GPC6: variants seen among roughly 807,000 people sequenced by gnomAD.
The protein encoded by GPC6 is glypican-6.
GPC6 carries 14 observed loss-of-function variants against 55.2 expected under a neutral mutation model. That is an observed-to-expected ratio of 0.25 (90% CI 0.17 to 0.40). The LOEUF (loss-of-function observed/expected upper bound fraction) is 0.40. GPC6 is among the 10% of genes least tolerant of loss of function. GPC6 has a pLI of 1.00. For synonymous variants in GPC6, 278 were observed against 259.6 expected (o/e 1.07, Z -0.68); for missense variants, 641 against 708.5 (o/e 0.90, Z 1.08).
At chr13:93,422,235 C>T (rs530328352) in intron 1 of GPC6, among the ~76,000 whole-genome samples, 38 of 152,222 alleles carry the variant, frequency 2.5e-4, no homozygotes, top group African/African-American at 8.7e-4. Flanking sequence ...TAAGCAACAC[C>T]CTCGAAATAT....
chr13:94,134,793 T>A lies in GPC6; in HGVS notation c.877+106899T>A, dbSNP rs546697946. The stretch of plus-strand genomic sequence containing the variant: ...AGGACTTTCGGGTTTCTATTTAAGG[T>A]CACTCCTCCCATCCTTTTCACTAGA... On this transcript the variant is annotated intron_variant, in intron 4 of 8. Transcript: ENST00000377047. Among the ~76,000 whole-genome samples, 5 of 152,294 alleles carry A rather than the reference T, an allele frequency of 3.3e-5. No homozygotes were observed. The South Asian group carries it at 8.3e-4, about 25-fold the overall frequency.
chr13:93,581,102 C>T (rs1409543318), intron 2 of GPC6, among the ~76,000 whole-genome samples: 1 of 152,082 alleles, frequency 6.6e-6, no homozygotes, highest in East Asian at 1.9e-4. Context: ...TTCTAAAAGA[C>T]ATTTTGCAAG....
chr13:93,279,098 C>G (rs1401191547), intron 1 of GPC6, among the ~76,000 whole-genome samples: 1 of 152,090 alleles, frequency 6.6e-6, no homozygotes, highest in Non-Finnish European at 1.5e-5. Flanking sequence ...TTATGGAAAC[C>G]ATGCTTTTAC....
intron 4 of GPC6, among the ~76,000 whole-genome samples, chr13:94,107,171 A>G (rs1027173964): frequency 4.6e-5 from 7 of 152,150 alleles, no homozygotes; most frequent in Non-Finnish European, 4.4e-5. Context: ...GAACGGAGGG[A>G]CTGAAGAAGT....
intron 2 of GPC6, among the ~76,000 whole-genome samples, chr13:93,648,375 A>G (rs1312446662): frequency 1.3e-5 from 2 of 152,208 alleles, no homozygotes; most frequent in African/African-American, 2.4e-5. Flanking sequence ...CCAAAAGAAT[A>G]AAGTGATGAT....
At chr13:94,367,921 C>T (rs144044893) in intron 6 of GPC6, among the ~76,000 whole-genome samples, 4,419 of 151,922 alleles carry the variant, frequency 0.029, 89 homozygotes, top group Middle Eastern at 0.082. Context: ...GAGGCTGAGG[C>T]GGGCGGATCA....
At chr13:93,897,374 A>C (rs977530944) in intron 3 of GPC6, among the ~76,000 whole-genome samples, 21 of 152,066 alleles carry the variant, frequency 1.4e-4, no homozygotes, top group African/African-American at 5.1e-4. Flanking sequence ...ATAAGCGTCT[A>C]AGGTGTTGGA....
At chr13:93,885,753 C>G (rs888889802) in intron 3 of GPC6, among the ~76,000 whole-genome samples, 2 of 152,122 alleles carry the variant, frequency 1.3e-5, no homozygotes, top group African/African-American at 4.8e-5. Context: ...TAAGACAGAA[C>G]AGGGCTTTCA....
intron 4 of GPC6, among the ~76,000 whole-genome samples, chr13:94,117,370 G>A (rs1450691473): frequency 2.0e-5 from 3 of 152,088 alleles, no homozygotes; most frequent in African/African-American, 7.2e-5. Flanking sequence ...ATTTGAGTAG[G>A]TGAATAACAT....
intron 1 of GPC6, among the ~76,000 whole-genome samples, chr13:93,472,688 CT>C (rs1181201542): frequency 1.3e-4 from 20 of 152,238 alleles, no homozygotes; most frequent in Non-Finnish European, 2.9e-5. Flanking sequence ...TCCTTCTCTT[CT>C]TCTCTCCTCT....
At chr13:94,283,516 C>T (rs1044681817) in intron 4 of GPC6, among the ~76,000 whole-genome samples, 1 of 152,236 alleles carries the variant, frequency 6.6e-6, no homozygotes, top group Non-Finnish European at 1.5e-5. Context: ...CATCCTGGCT[C>T]CTTGCCTTTG....
intron 6 of GPC6, among the ~76,000 whole-genome samples, chr13:94,333,703 A>C (rs746187583): frequency 2.8e-4 from 43 of 152,318 alleles, no homozygotes; most frequent in Non-Finnish European, 5.0e-4. Context: ...ATGGAAGCTA[A>C]GTATGTTTCC....
chr13:94,201,214 A>T (rs975621752), intron 4 of GPC6, among the ~76,000 whole-genome samples: 1 of 152,172 alleles, frequency 6.6e-6, no homozygotes, highest in Non-Finnish European at 1.5e-5. Context: ...TCAAGAAGTC[A>T]GGGGGTCTGA....
chr13:94,031,109 C>T (rs1031825729), intron 4 of GPC6, among the ~76,000 whole-genome samples: 2 of 142,460 alleles, frequency 1.4e-5, no homozygotes, highest in African/African-American at 2.6e-5. Context: ...TGTGTGCGTG[C>T]ATGTGTGTGT....
intron 6 of GPC6, among the ~76,000 whole-genome samples, chr13:94,311,062 C>T (rs1876218396): frequency 6.6e-6 from 1 of 152,100 alleles, no homozygotes; most frequent in Admixed American, 6.5e-5. Context: ...GCATTCAGAG[C>T]ATTTGGAGAG....
In GPC6 at chr13:93,981,727, G is replaced by A. The variant is rs1880811591; in HGVS notation, c.712-46002G>A. Among the ~76,000 whole-genome samples the A allele has an allele frequency of 2.0e-5, 3 of 152,126 alleles. No individual in the cohort carries two copies. In the South Asian group the frequency reaches 6.2e-4, roughly 32 times the overall value. ...GCACTTAAGCTAATGTAAAAATAATGCATTCTTCCATTATGCTCCAAATCA... is the reference window on the plus strand; with the variant it reads ...GCACTTAAGCTAATGTAAAAATAATACATTCTTCCATTATGCTCCAAATCA... On this transcript the variant is annotated intron_variant, in intron 3 of 8. Transcript: ENST00000377047.
At chr13:94,158,482 A>T (rs1888036464) in intron 4 of GPC6, among the ~76,000 whole-genome samples, 1 of 152,172 alleles carries the variant, frequency 6.6e-6, no homozygotes, top group African/African-American at 2.4e-5. Flanking sequence ...CCTAATTTAA[A>T]TGCAATTTAG....
intron 4 of GPC6, among the ~76,000 whole-genome samples, chr13:94,035,057 A>G (rs1161269248): frequency 6.6e-6 from 1 of 151,892 alleles, no homozygotes; most frequent in African/African-American, 2.4e-5. Flanking sequence ...AAAACTATTC[A>G]AGGTAGTTAG....
At chr13:94,271,645 AG>A (rs896439229) in intron 4 of GPC6, among the ~76,000 whole-genome samples, 2 of 146,814 alleles carry the variant, frequency 1.4e-5, no homozygotes, top group African/African-American at 5.5e-5. Context: ...AACTAATCTC[AG>A]TGCCCTAAAG....
Sources: allele counts gnomAD v4.1 joint callset (sites outside exome capture counted in the v4.1 genomes callset), GRCh38; gene constraint gnomAD v4.1.1; transcripts MANE v1.5; gene names NCBI Gene and HGNC (gene_info 2026-07-23, HGNC 2026-07-21).